The following PDE4D variants were observed in gnomAD, a reference collection of about 807,000 sequenced individuals.
The protein encoded by PDE4D is 3',5'-cyclic-AMP phosphodiesterase 4D.
In PDE4D, 24 loss-of-function variants were observed where a neutral mutation model predicts 87.4. The observed-to-expected ratio is 0.27, with a 90% CI of 0.20 to 0.39. The LOEUF is 0.39. Among genes scored for constraint, PDE4D ranks in the 10% least tolerant of loss-of-function variants. The pLI is 1.00. For synonymous variants in PDE4D, 384 were observed against 383.2 expected (o/e 1.00, Z -0.02); for missense variants, 714 against 1,041.0 (o/e 0.69, Z 4.32).
intron 1 of PDE4D, among the ~76,000 whole-genome samples, chr5:59,580,250 T>G (rs1823869066): frequency 6.6e-6 from 1 of 152,192 alleles, no homozygotes; most frequent in Admixed American, 6.5e-5. Context: ...ATATGAACTT[T>G]CAGCAAGTTA....
intron 1 of PDE4D, among the ~76,000 whole-genome samples, chr5:60,286,547 G>A (rs1357959361): frequency 7.2e-6 from 1 of 138,448 alleles, no homozygotes; most frequent in Non-Finnish European, 1.6e-5. Flanking sequence ...TGGCCGCTAA[G>A]AGATTCATCA....
intron 1 of PDE4D, among the ~76,000 whole-genome samples, chr5:59,259,274 T>C (rs921204798): frequency 2.0e-5 from 3 of 151,866 alleles, no homozygotes; most frequent in Admixed American, 6.6e-5. Flanking sequence ...TGGGTAGCTT[T>C]TCCCCCTTGT....
chr5:60,208,243 T>C (rs189681414), intron 1 of PDE4D, among the ~76,000 whole-genome samples: 1 of 152,190 alleles, frequency 6.6e-6, no homozygotes, highest in Non-Finnish European at 1.5e-5. Flanking sequence ...GCAGTAGGGA[T>C]TGCAATTTTA....
At chr5:59,395,256 G>A (rs1789151486) in intron 1 of PDE4D, among the ~76,000 whole-genome samples, 1 of 152,202 alleles carries the variant, frequency 6.6e-6, no homozygotes, top group Admixed American at 6.5e-5. Flanking sequence ...GCGTGCTTCT[G>A]TAGGCTCCAA....
At position 59,189,263 on chromosome 5, in the gene PDE4D, T is replaced by C. The variant is rs560688572; in HGVS notation, c.685-4001A>G. ...TTTTTTGTTTTTTTTGTTTTTTTTT[T>C]TTTGAGACGGAGTTTTGCTCTTGTT... is the stretch of plus-strand genomic sequence containing the variant. On this transcript the variant is annotated intron_variant, in intron 3 of 14. Coordinates refer to ENST00000340635, the MANE Select transcript of PDE4D (RefSeq NM_001104631.2). Among the ~76,000 whole-genome samples, 12 of 148,280 alleles carry C rather than the reference T, an allele frequency of 8.1e-5. No homozygotes were observed. The East Asian group carries it at 2.4e-3, about 29-fold the overall frequency.
At chr5:59,421,644 G>A (rs1045265365) in intron 1 of PDE4D, among the ~76,000 whole-genome samples, 4 of 152,166 alleles carry the variant, frequency 2.6e-5, no homozygotes, top group African/African-American at 9.6e-5. Context: ...AAGATGATGA[G>A]TTCAATTTTG....
intron 5 of PDE4D, among the ~76,000 whole-genome samples, chr5:59,163,017 C>T (rs1353422538): frequency 6.6e-6 from 1 of 151,488 alleles, no homozygotes; most frequent in East Asian, 1.9e-4. Flanking sequence ...GATCTCACCT[C>T]TGCCTCCCGG....
chr5:59,893,487 G>A lies in PDE4D; in HGVS notation c.136C>T (p.Pro46Ser), dbSNP rs375819387. 2 of 1,539,942 alleles carry A rather than the reference G, an allele frequency of 1.3e-6. No individual in the cohort carries two copies. The highest frequency in any genetic ancestry group is 1.8e-6 in the Non-Finnish European group (2 of 1,142,186). The change falls in exon 1 of 15, where the codon CCC (proline) becomes TCC (serine). Residue 46 changes from proline to serine, a missense_variant. Transcript: ENST00000340635. Reference sequence around the variant, plus strand: ...TGGGGATGCAGGAGGCGGAACTGGGGCTGCCGGAGCGGGTACTGGTGGTGC... The same window carrying A: ...TGGGGATGCAGGAGGCGGAACTGGGACTGCCGGAGCGGGTACTGGTGGTGC... Reference protein sequence around the residue: ...EQHHQYPLRQPQFRLLHPHHH... With the variant: ...EQHHQYPLRQSQFRLLHPHHH...
chr5:60,372,994 T>C (rs1761158045), intron 1 of PDE4D, among the ~76,000 whole-genome samples: 1 of 152,218 alleles, frequency 6.6e-6, no homozygotes, highest in South Asian at 2.1e-4. Context: ...AAACCTTATG[T>C]TTACCATTGA....
intron 3 of PDE4D, among the ~76,000 whole-genome samples, chr5:59,961,218 G>C (rs190604184): frequency 3.3e-4 from 50 of 151,942 alleles, no homozygotes; most frequent in African/African-American, 1.2e-3. Flanking sequence ...CATGTATTAG[G>C]GTGAGCTACA....
chr5:60,435,281 A>T (rs1456857925), intron 1 of PDE4D, among the ~76,000 whole-genome samples: 1 of 152,122 alleles, frequency 6.6e-6, no homozygotes, highest in Non-Finnish European at 1.5e-5. Context: ...AGCATTTTAA[A>T]TCAAACAACT....
At chr5:59,368,876 C>T (rs1783507535) in intron 1 of PDE4D, among the ~76,000 whole-genome samples, 1 of 152,170 alleles carries the variant, frequency 6.6e-6, no homozygotes, top group Non-Finnish European at 1.5e-5. Flanking sequence ...ATGCTTAGAA[C>T]CCTGAGCTAG....
intron 1 of PDE4D, among the ~76,000 whole-genome samples, chr5:59,719,009 A>C (rs1327777812): frequency 8.3e-6 from 1 of 120,380 alleles, no homozygotes; most frequent in Non-Finnish European, 1.7e-5. Flanking sequence ...CTTAGAATTA[A>C]AAAAAAAAAA....
intron 1 of PDE4D, among the ~76,000 whole-genome samples, chr5:59,481,857 T>C (rs1804318560): frequency 6.6e-6 from 1 of 152,024 alleles, no homozygotes; most frequent in Non-Finnish European, 1.5e-5. Flanking sequence ...CTCCTGCAAG[T>C]TGGGAGACCA....
intron 1 of PDE4D, among the ~76,000 whole-genome samples, chr5:59,318,205 G>A (rs549530063): frequency 6.6e-6 from 1 of 152,258 alleles, no homozygotes; most frequent in African/African-American, 2.4e-5. Flanking sequence ...TTTTATAAAT[G>A]TAACATGGTT....
intron 1 of PDE4D, among the ~76,000 whole-genome samples, chr5:60,223,187 GAA>G (rs1426626922): frequency 1.3e-5 from 2 of 152,008 alleles, no homozygotes; most frequent in Non-Finnish European, 2.9e-5. Flanking sequence ...GTTAAATTAG[GAA>G]AATCAACATA....
At chr5:60,199,565 G>A (rs1311547863) in intron 1 of PDE4D, among the ~76,000 whole-genome samples, 1 of 151,470 alleles carries the variant, frequency 6.6e-6, no homozygotes, top group Non-Finnish European at 1.5e-5. Context: ...ATCATCTCAG[G>A]GCTTATTAGT....
At chr5:60,394,280 T>C (rs1762741315) in intron 1 of PDE4D, among the ~76,000 whole-genome samples, 1 of 152,208 alleles carries the variant, frequency 6.6e-6, no homozygotes, top group African/African-American at 2.4e-5. Flanking sequence ...AATGAACTGC[T>C]TTCAAGAATA....
chr5:60,389,856 T>A (rs949778065), intron 1 of PDE4D, among the ~76,000 whole-genome samples: 2 of 152,156 alleles, frequency 1.3e-5, no homozygotes, highest in Non-Finnish European at 2.9e-5. Context: ...CACAAGAGGA[T>A]ACAAGGGGAA....
Sources: allele counts gnomAD v4.1 joint callset (sites outside exome capture counted in the v4.1 genomes callset), GRCh38; gene constraint gnomAD v4.1.1; transcripts MANE v1.5; gene names NCBI Gene and HGNC (gene_info 2026-07-23, HGNC 2026-07-21).